SAMD5: variants seen among roughly 807,000 people sequenced by gnomAD.
The protein encoded by SAMD5 is sterile alpha motif domain-containing protein 5.
SAMD5 carries 13 observed loss-of-function variants against 11.3 expected under a neutral mutation model. That is an observed-to-expected ratio of 1.15 (90% CI 0.75 to 1.83). The LOEUF is 1.83. SAMD5 is among the 40% of genes most tolerant of loss of function. The probability of loss-of-function intolerance (pLI) is 0.00; values close to 1 mark genes in which losing one functional copy is unlikely to be tolerated. For missense variants in SAMD5, 255 were observed against 239.1 expected (o/e 1.07, Z -0.44); for synonymous variants, 129 against 111.3 (o/e 1.16, Z -1.00).
intron 1 of SAMD5, among the ~76,000 whole-genome samples, chr6:147,691,974 G>GACAC (rs141475823): frequency 2.3e-3 from 158 of 68,372 alleles, no homozygotes; most frequent in African/African-American, 5.0e-3. Flanking sequence ...GGATGTATGT[G>GACAC]ACACACACAC....
the SAMD5 span, among the ~76,000 whole-genome samples, chr6:147,905,078 G>A: frequency 3.3e-5 from 5 of 152,144 alleles, no homozygotes; most frequent in East Asian, 9.7e-4. Flanking sequence ...AGTCGAGACG[G>A]GGTTTCTCCA....
At chr6:147,662,881 G>A (rs1466074618) in intron 1 of SAMD5, among the ~76,000 whole-genome samples, 1 of 152,148 alleles carries the variant, frequency 6.6e-6, no homozygotes, top group Non-Finnish European at 1.5e-5. Context: ...CAAAAAACAA[G>A]TGCAAATAAA....
chr6:147,812,188 A>AT, the SAMD5 span, among the ~76,000 whole-genome samples: 5 of 152,100 alleles, frequency 3.3e-5, no homozygotes. Flanking sequence ...CAATCAGAGT[A>AT]TTTTTTTGTT....
chr6:147,840,140 ATTAT>A, the SAMD5 span, among the ~76,000 whole-genome samples: 1 of 152,196 alleles, frequency 6.6e-6, no homozygotes, highest in East Asian at 1.9e-4. Context: ...AGACCAAGTG[ATTAT>A]TTATAGCCTG....
At chr6:147,662,966 C>T (rs1251161813) in intron 1 of SAMD5, among the ~76,000 whole-genome samples, 1 of 152,166 alleles carries the variant, frequency 6.6e-6, no homozygotes, top group South Asian at 2.1e-4. Flanking sequence ...TAATATTTCA[C>T]AGTATACTAG....
intron 1 of SAMD5, among the ~76,000 whole-genome samples, chr6:147,687,438 A>C (rs1791034753): frequency 6.6e-6 from 1 of 151,504 alleles, no homozygotes; most frequent in Non-Finnish European, 1.5e-5. Flanking sequence ...CACCATACCC[A>C]GCTAATTTTT....
the SAMD5 span, among the ~76,000 whole-genome samples, chr6:147,944,778 G>A: frequency 6.6e-6 from 1 of 152,160 alleles, no homozygotes. Flanking sequence ...TCTGCAGGCT[G>A]GAAGTCCACG....
rs534351477 is a variant in SAMD5, at chr6:147,632,608, G to C, written c.163-104709G>C. Among the ~76,000 whole-genome samples the C allele has an allele frequency of 3.9e-5, 6 of 152,328 alleles. No individual in the cohort carries two copies. The East Asian group carries it at 1.2e-3, about 29-fold the overall frequency. On this transcript the variant is annotated intron_variant, in intron 1 of 1. Coordinates refer to the SAMD5 transcript ENST00000566741. The stretch of plus-strand genomic sequence containing the variant: ...CAGACATGAGGGCTAGGCTAAAACA[G>C]TAATCTCAAGTTTTTTGGATAAAAA...
intron 1 of SAMD5, among the ~76,000 whole-genome samples, chr6:147,696,226 T>G (rs1791174354): frequency 6.6e-6 from 1 of 152,182 alleles, no homozygotes; most frequent in Non-Finnish European, 1.5e-5. Flanking sequence ...CAAACTTGCC[T>G]TCTCCTTATC....
chr6:147,532,282 A>ACTCC (rs1788441790), intron 1 of SAMD5, among the ~76,000 whole-genome samples: 1 of 151,332 alleles, frequency 6.6e-6, no homozygotes, highest in African/African-American at 2.4e-5. Flanking sequence ...TCCCTCACTC[A>ACTCC]CTCCCTCCCA....
intron 1 of SAMD5, among the ~76,000 whole-genome samples, chr6:147,666,012 C>T (rs947426357): frequency 8.5e-5 from 13 of 152,202 alleles, no homozygotes; most frequent in Admixed American, 4.6e-4. Flanking sequence ...AATCTCGGCT[C>T]ACTGCAACCT....
chr6:147,933,367 A>G, the SAMD5 span, among the ~76,000 whole-genome samples: 1 of 152,236 alleles, frequency 6.6e-6, no homozygotes, highest in African/African-American at 2.4e-5. Context: ...CAGTGGGACT[A>G]TTGAAGAGAG....
At chr6:147,890,417 G>A in the SAMD5 span, among the ~76,000 whole-genome samples, 1 of 149,960 alleles carries the variant, frequency 6.7e-6, no homozygotes, top group African/African-American at 2.5e-5. Context: ...GGAGTGCAGT[G>A]GCATGATCTC....
chr6:147,827,132 C>G, the SAMD5 span, among the ~76,000 whole-genome samples: 1 of 152,126 alleles, frequency 6.6e-6, no homozygotes, highest in Non-Finnish European at 1.5e-5. Flanking sequence ...TTTCAGAATA[C>G]ATTTATGACA....
intron 1 of SAMD5, among the ~76,000 whole-genome samples, chr6:147,596,803 T>G (rs961135838): frequency 6.6e-6 from 1 of 152,210 alleles, no homozygotes; most frequent in South Asian, 2.1e-4. Context: ...TAGATGGGTG[T>G]TGTGGAAGAA....
At chr6:147,631,597 A>C (rs1790153453) in intron 1 of SAMD5, among the ~76,000 whole-genome samples, 1 of 152,188 alleles carries the variant, frequency 6.6e-6, no homozygotes, top group Admixed American at 6.5e-5. Flanking sequence ...GGAAGGCCAA[A>C]CCGAGGAATT....
rs6912055 is a variant in SAMD5 at position 147,721,357 on chromosome 6, C to A, written c.163-15960C>A. ...CTATTTCTCCACATCCTCTCCAGCA[C>A]CTGTTGTTTCCTGACTTTTTAATGA... On this transcript the variant is annotated intron_variant, in intron 1 of 1. Coordinates refer to the SAMD5 transcript ENST00000566741. Among the ~76,000 whole-genome samples, 485 of 149,926 alleles carry A rather than the reference C, an allele frequency of 3.2e-3. 3 individuals carry two copies. Among genetic ancestry groups the A allele is most frequent in the African/African-American group, 0.011 (463 of 40,434 alleles).
chr6:147,826,764 TTAATC>T, the SAMD5 span, among the ~76,000 whole-genome samples: 2 of 152,262 alleles, frequency 1.3e-5, no homozygotes, highest in Admixed American at 6.5e-5. Context: ...CTGCAGGAGA[TTAATC>T]TAGGGTCATC....
intron 1 of SAMD5, among the ~76,000 whole-genome samples, chr6:147,645,788 A>G (rs780319563): frequency 6.6e-6 from 1 of 152,192 alleles, no homozygotes; most frequent in Non-Finnish European, 1.5e-5. Context: ...TGTGAGAAAT[A>G]CAGACCCAGT....
Sources: gnomAD v4.1 joint callset for allele counts (sites outside exome capture counted in the v4.1 genomes callset) on GRCh38, gnomAD v4.1.1 for gene constraint, MANE v1.5 for transcripts, NCBI Gene and HGNC (gene_info 2026-07-23, HGNC 2026-07-21) for gene names.